WWOX: variants seen among roughly 807,000 people sequenced by gnomAD.
WWOX encodes the protein WW domain-containing oxidoreductase.
A neutral mutation model predicts 46.2 loss-of-function variants in WWOX; 69 were observed. That is an observed-to-expected ratio of 1.49 (90% CI 1.23 to 1.82). The LOEUF (loss-of-function observed/expected upper bound fraction) is 1.82. WWOX is among the 40% of genes most tolerant of loss of function. The probability of loss-of-function intolerance (pLI) is 0.00; values close to 1 mark genes in which losing one functional copy is unlikely to be tolerated. For missense variants in WWOX, 919 were observed against 542.6 expected (o/e 1.69, Z -6.89); for synonymous variants, 359 against 202.6 (o/e 1.77, Z -6.56).
chr16:78,972,006 T>C (rs1319397717), intron 8 of WWOX, among the ~76,000 whole-genome samples: 2 of 152,188 alleles, frequency 1.3e-5, no homozygotes, highest in Non-Finnish European at 2.9e-5. Context: ...GTCCACCTGC[T>C]GTTTACTCCG....
At chr16:78,880,992 CTTT>C (rs71140838) in intron 8 of WWOX, among the ~76,000 whole-genome samples, 8 of 113,512 alleles carry the variant, frequency 7.0e-5, no homozygotes, top group Admixed American at 1.0e-4. Flanking sequence ...AATTTTTTTT[CTTT>C]TTTTTTTTTT....
chr16:78,956,714 G>C (rs747320539), intron 8 of WWOX, among the ~76,000 whole-genome samples: 25 of 151,876 alleles, frequency 1.6e-4, no homozygotes, highest in Non-Finnish European at 1.5e-5. Context: ...AATTCCTTTT[G>C]TGTTTTTGAG....
At chr16:79,009,457 GC>G (rs2047259487) in intron 8 of WWOX, among the ~76,000 whole-genome samples, 1 of 152,032 alleles carries the variant, frequency 6.6e-6, no homozygotes, top group African/African-American at 2.4e-5. Context: ...GACTTTAGAG[GC>G]CCATCATCAA....
intron 8 of WWOX, among the ~76,000 whole-genome samples, chr16:79,127,535 C>G (rs2049784035): frequency 6.6e-6 from 1 of 152,104 alleles, no homozygotes; most frequent in Non-Finnish European, 1.5e-5. Context: ...TGGGTTGTTC[C>G]CAGCCTTTTG....
At chr16:78,756,934 C>T in intron 8 of WWOX, 1 of 703,010 alleles carries the variant, frequency 1.4e-6, no homozygotes, top group East Asian at 2.7e-5. Context: ...GGATCATTCA[C>T]TCTAGGAAAA....
chr16:78,507,530 C>T (rs945842514), intron 8 of WWOX, among the ~76,000 whole-genome samples: 2 of 152,112 alleles, frequency 1.3e-5, no homozygotes, highest in African/African-American at 4.8e-5. Flanking sequence ...TGAAAATACA[C>T]GCAGAGAGAC....
intron 8 of WWOX, among the ~76,000 whole-genome samples, chr16:78,854,511 T>C (rs1369186864): frequency 6.6e-6 from 1 of 152,222 alleles, no homozygotes; most frequent in Non-Finnish European, 1.5e-5. Flanking sequence ...TCCCTCAAAT[T>C]GTAACACCCC....
intron 8 of WWOX, among the ~76,000 whole-genome samples, chr16:78,827,699 G>C (rs2051699952): frequency 6.6e-6 from 1 of 151,654 alleles, no homozygotes; most frequent in Non-Finnish European, 1.5e-5. Flanking sequence ...AAATTAGCCA[G>C]GCATGGTGGT....
At chr16:78,505,395 G>C (rs1365520087) in intron 8 of WWOX, among the ~76,000 whole-genome samples, 1 of 152,148 alleles carries the variant, frequency 6.6e-6, no homozygotes, top group African/African-American at 2.4e-5. Context: ...CCTCTGAGTG[G>C]GGCTCAGGAC....
At chr16:78,810,090 C>G (rs2051147392) in intron 8 of WWOX, among the ~76,000 whole-genome samples, 1 of 152,166 alleles carries the variant, frequency 6.6e-6, no homozygotes, top group African/African-American at 2.4e-5. Flanking sequence ...ATTTCCAGAC[C>G]TAAACCAGTG....
At chr16:78,705,962 A>G (rs1040359195) in intron 8 of WWOX, among the ~76,000 whole-genome samples, 1 of 151,280 alleles carries the variant, frequency 6.6e-6, no homozygotes, top group African/African-American at 2.4e-5. Flanking sequence ...CGTGGTTTAG[A>G]TGCTGTGCGT....
At chr16:78,486,348 C>A (rs975167942) in intron 8 of WWOX, among the ~76,000 whole-genome samples, 1 of 152,204 alleles carries the variant, frequency 6.6e-6, no homozygotes, top group Non-Finnish European at 1.5e-5. Context: ...ATAATAGTCA[C>A]ATCTACTAAG....
intron 8 of WWOX, among the ~76,000 whole-genome samples, chr16:79,024,373 C>T (rs967160597): frequency 1.3e-5 from 2 of 152,144 alleles, no homozygotes; most frequent in Admixed American, 6.5e-5. Flanking sequence ...ACCCTCCCAC[C>T]TTAGCCTCCT....
intron 8 of WWOX, among the ~76,000 whole-genome samples, chr16:78,847,849 G>C (rs1301503748): frequency 6.6e-6 from 1 of 152,102 alleles, no homozygotes; most frequent in African/African-American, 2.4e-5. Context: ...GACTGGCATT[G>C]CCCAGTGGAA....
At chr16:78,841,636 A>C (rs1032962134) in intron 8 of WWOX, among the ~76,000 whole-genome samples, 2 of 152,168 alleles carry the variant, frequency 1.3e-5, no homozygotes, top group Non-Finnish European at 2.9e-5. Context: ...ACTCTGGCGA[A>C]TTTTTTGTCT....
intron 8 of WWOX, among the ~76,000 whole-genome samples, chr16:78,558,353 T>G (rs2151553932): frequency 6.6e-6 from 1 of 152,372 alleles, no homozygotes; most frequent in African/African-American, 2.4e-5. Flanking sequence ...TTTGGATTTT[T>G]TAATGAAATA....
chr16:79,185,818 A>G (rs2051002178), intron 8 of WWOX, among the ~76,000 whole-genome samples: 1 of 152,184 alleles, frequency 6.6e-6, no homozygotes, highest in Non-Finnish European at 1.5e-5. Context: ...GACACTGCCT[A>G]GTGTGAGAAG....
intron 8 of WWOX, among the ~76,000 whole-genome samples, chr16:78,554,239 G>A (rs1427285429): frequency 6.6e-6 from 1 of 152,138 alleles, no homozygotes; most frequent in Non-Finnish European, 1.5e-5. Context: ...TGATGGAAAG[G>A]GAAGAGAAGA....
chr16:79,123,509 T>C (rs2049683920), intron 8 of WWOX, among the ~76,000 whole-genome samples: 1 of 152,112 alleles, frequency 6.6e-6, no homozygotes, highest in Non-Finnish European at 1.5e-5. Context: ...AGTTCATTCA[T>C]CCTCATAACA....
Sources: allele counts gnomAD v4.1 joint callset (sites outside exome capture counted in the v4.1 genomes callset), GRCh38; gene constraint gnomAD v4.1.1; transcripts MANE v1.5; gene names NCBI Gene and HGNC (gene_info 2026-07-23, HGNC 2026-07-21).